Variants in SGCD observed in about 807,000 individuals in gnomAD.
SGCD encodes delta-sarcoglycan.
In SGCD, 18 loss-of-function variants were observed where a neutral mutation model predicts 36.6. The ratio of observed to expected loss-of-function variants is 0.49; its 90% CI spans 0.34 to 0.73. SGCD has a LOEUF of 0.73. SGCD is among the 30% of genes least tolerant of loss of function. The probability of loss-of-function intolerance (pLI) is 0.01; values close to 1 mark genes in which losing one functional copy is unlikely to be tolerated. For synonymous variants in SGCD, 133 were observed against 130.6 expected (o/e 1.02, Z -0.12); for missense variants, 387 against 346.7 (o/e 1.12, Z -0.92).
chr5:156,137,937 T>C (rs1044766361), intron 3 of SGCD, among the ~76,000 whole-genome samples: 1 of 152,178 alleles, frequency 6.6e-6, no homozygotes, highest in Non-Finnish European at 1.5e-5. Flanking sequence ...GTTATTAATA[T>C]ACAATAAAAT....
rs1479451483 is a variant in SGCD at position 156,516,223 on chromosome 5, C to A, written c.294+7521C>A. Among the ~76,000 whole-genome samples, 6 of 152,160 alleles carry A rather than the reference C, an allele frequency of 3.9e-5. No homozygotes were observed. The East Asian group carries it at 7.7e-4, about 20-fold the overall frequency. Reference sequence around the variant, plus strand: ...CCCATGCCTCCTGACTAGGTGAGACCCCCCACACACACACCCCCAATAGGG... The same window carrying A: ...CCCATGCCTCCTGACTAGGTGAGACACCCCACACACACACCCCCAATAGGG... On this transcript the variant is annotated intron_variant, in intron 4 of 8. Coordinates refer to ENST00000337851, the MANE Select transcript of SGCD (RefSeq NM_000337.6).
At chr5:155,814,267 A>G in the SGCD span, among the ~76,000 whole-genome samples, 1 of 152,146 alleles carries the variant, frequency 6.6e-6, no homozygotes. Context: ...TTCTGTATCC[A>G]GGAATGTTCT....
intron 1 of SGCD, among the ~76,000 whole-genome samples, chr5:156,055,392 G>C (rs1760034008): frequency 6.9e-6 from 1 of 145,902 alleles, no homozygotes; most frequent in Non-Finnish European, 1.5e-5. Flanking sequence ...GTTTATTAAA[G>C]TCCCCAGATG....
chr5:156,018,125 A>C (rs1252743983), intron 1 of SGCD, among the ~76,000 whole-genome samples: 1 of 152,208 alleles, frequency 6.6e-6, no homozygotes, highest in Non-Finnish European at 1.5e-5. Context: ...GCACCACTGC[A>C]ATCCTGAGCA....
intron 7 of SGCD, among the ~76,000 whole-genome samples, chr5:156,750,667 A>T (rs929926846): frequency 6.6e-6 from 1 of 152,000 alleles, no homozygotes; most frequent in African/African-American, 2.4e-5. Context: ...AAAAAAGAAA[A>T]ATATAAAACT....
chr5:156,407,392 T>A (rs1304334777), intron 3 of SGCD, among the ~76,000 whole-genome samples: 1 of 152,206 alleles, frequency 6.6e-6, no homozygotes, highest in Non-Finnish European at 1.5e-5. Context: ...GTCTCTGAAG[T>A]AGCATTCTTC....
intron 3 of SGCD, among the ~76,000 whole-genome samples, chr5:156,283,868 T>G (rs911491776): frequency 6.6e-6 from 1 of 152,168 alleles, no homozygotes; most frequent in East Asian, 1.9e-4. Flanking sequence ...TGTTTGACGC[T>G]GAGGAGAGTT....
chr5:156,362,248 G>A (rs1474970033), intron 3 of SGCD, among the ~76,000 whole-genome samples: 1 of 152,202 alleles, frequency 6.6e-6, no homozygotes. Flanking sequence ...TTTGTATGGT[G>A]TGATGCTTAC....
chr5:156,560,809 G>GT (rs985902397), intron 4 of SGCD, among the ~76,000 whole-genome samples: 2 of 151,768 alleles, frequency 1.3e-5, no homozygotes, highest in African/African-American at 2.4e-5. Context: ...TCCTGCCTGT[G>GT]TTTTTTTTGG....
chr5:156,362,296 T>C (rs1769837811), intron 3 of SGCD, among the ~76,000 whole-genome samples: 1 of 152,234 alleles, frequency 6.6e-6, no homozygotes. Context: ...TTGGAAGCCC[T>C]CTTCAAAGCC....
the SGCD span, among the ~76,000 whole-genome samples, chr5:155,781,128 T>A: frequency 6.6e-6 from 1 of 152,236 alleles, no homozygotes; most frequent in African/African-American, 2.4e-5. Context: ...TCTGGCCTGA[T>A]CTTTGTAGAG....
At chr5:156,334,228 G>T (rs1177620153) in intron 2 of SGCD, among the ~76,000 whole-genome samples, 2 of 152,122 alleles carry the variant, frequency 1.3e-5, no homozygotes, top group African/African-American at 4.8e-5. Flanking sequence ...GTTTTAGAAA[G>T]CACCGATCTT....
chr5:156,194,086 T>G (rs62380739), intron 3 of SGCD, among the ~76,000 whole-genome samples: 47,015 of 152,128 alleles, frequency 0.31, 7,748 homozygotes, highest in East Asian at 0.6. Context: ...TTTAATACTG[T>G]GTAAAAAGGT....
the SGCD span, among the ~76,000 whole-genome samples, chr5:155,776,957 A>C: frequency 2.0e-5 from 3 of 152,262 alleles, no homozygotes; most frequent in South Asian, 4.1e-4. Context: ...GAAACATCAA[A>C]GGTAGCAACC....
intron 1 of SGCD, among the ~76,000 whole-genome samples, chr5:156,048,447 A>G (rs911628420): frequency 3.3e-5 from 5 of 152,158 alleles, no homozygotes; most frequent in African/African-American, 1.2e-4. Context: ...CAACAGTGTC[A>G]AAGTGTTCCT....
intron 3 of SGCD, among the ~76,000 whole-genome samples, chr5:156,494,612 A>T (rs919380842): frequency 2.0e-5 from 3 of 152,122 alleles, no homozygotes; most frequent in Admixed American, 1.3e-4. Context: ...ATAAAATGTA[A>T]ATCAGCTCCC....
rs184738724 is a variant in SGCD at position 156,037,432 on chromosome 5, G to A, written c.-281-80446G>A. ...GTCCCAGGCATTTCTTCACATCTTT[G>A]CATTCCCCTGATGGCACCTGCACAG... On this transcript the variant is annotated intron_variant, in intron 1 of 9. Coordinates refer to the SGCD transcript ENST00000517913. Among the ~76,000 whole-genome samples the A allele has an allele frequency of 5.5e-4, 84 of 152,254 alleles. No individual in the cohort carries two copies. In the Middle Eastern group the frequency reaches 0.01, roughly 18 times the overall value.
intron 1 of SGCD, among the ~76,000 whole-genome samples, chr5:156,097,096 G>T (rs1385309093): frequency 6.6e-6 from 1 of 151,742 alleles, no homozygotes; most frequent in African/African-American, 2.4e-5. Flanking sequence ...TGTATGGAAT[G>T]CATCATTTCT....
intron 3 of SGCD, among the ~76,000 whole-genome samples, chr5:156,506,843 T>A (rs1242965248): frequency 6.6e-6 from 1 of 152,150 alleles, no homozygotes; most frequent in Non-Finnish European, 1.5e-5. Flanking sequence ...CTCTACAAAC[T>A]AAAATTCAGA....
Sources: allele counts gnomAD v4.1 joint callset (sites outside exome capture counted in the v4.1 genomes callset), GRCh38; gene constraint gnomAD v4.1.1; transcripts MANE v1.5; gene names NCBI Gene and HGNC (gene_info 2026-07-23, HGNC 2026-07-21).